Variants in NKAIN4 observed in about 807,000 individuals in gnomAD.
NKAIN4 encodes sodium/potassium transporting ATPase interacting 4.
Under a neutral mutation model 28.8 loss-of-function variants are expected in NKAIN4, and 28 were observed. The ratio of observed to expected loss-of-function variants is 0.97; its 90% CI spans 0.72 to 1.33. NKAIN4 has a LOEUF of 1.33. Among genes scored for constraint, NKAIN4 ranks in the 40% most tolerant of loss-of-function variants. The pLI, the probability that NKAIN4 is intolerant of heterozygous loss-of-function variation, is 0.00. For synonymous variants in NKAIN4, 122 were observed against 115.6 expected (o/e 1.06, Z -0.36); for missense variants, 289 against 277.2 (o/e 1.04, Z -0.30).
chr20:63,251,916 G>A (rs1312010572), intron 1 of NKAIN4, among the ~76,000 whole-genome samples: 4 of 152,182 alleles, frequency 2.6e-5, no homozygotes, highest in South Asian at 2.1e-4. Context: ...ACTAACCTAC[G>A]AGGAGGGATG....
intron 6 of NKAIN4, chr20:63,241,794 C>T (rs1289999223): frequency 1.6e-6 from 1 of 619,640 alleles, no homozygotes; most frequent in African/African-American, 1.8e-5. Context: ...GTGCCTGGGT[C>T]CCTGGCTCAG....
In NKAIN4 at chr20:63,242,546, C is replaced by A. The variant is rs769026539; in HGVS notation, c.610G>T (p.Val204Leu). The A allele has an allele frequency of 2.5e-6, 4 of 1,611,388 alleles. No individual in the cohort carries two copies. The African/African-American group carries it at 5.3e-5, about 22-fold the overall frequency. ...EKPSSLLSKQ[V>L]YLPA ...TCTGCCAGCCATACTTACAAGTACA[C>A]CTGCTTGGACAAGAGACTGGATGGC... Residue 204 changes from valine to leucine, a missense_variant, in exon 6 of 7, where the codon GTG becomes TTG. By Grantham distance (32) the Val-to-Leu change is conservative (BLOSUM62 1). Transcript: ENST00000370316.
chr20:63,254,056 C>A, intron 1 of NKAIN4: 2 of 300,966 alleles, frequency 6.6e-6, no homozygotes. Context: ...CCCGGGGCCA[C>A]ACACGCCTCC....
At chr20:63,253,402 G>A in intron 1 of NKAIN4, 1 of 985,414 alleles carries the variant, frequency 1.0e-6, no homozygotes. Context: ...GTGCCCCTAA[G>A]CCGAGCACAG....
intron 5 of NKAIN4, among the ~76,000 whole-genome samples, chr20:63,243,582 C>CG (rs1470372446): frequency 3.3e-5 from 5 of 152,194 alleles, no homozygotes; most frequent in Non-Finnish European, 2.9e-5. Context: ...GGAAAGCTGA[C>CG]GGGCTGGCGA....
rs1568701335 is a variant in NKAIN4 at position 63,242,606 on chromosome 20, A to AC, written c.549_550insG (p.Phe184ValfsTer2). On this transcript the variant is annotated frameshift_variant, in exon 6 of 7. Coordinates refer to ENST00000370316, the MANE Select transcript of NKAIN4 (RefSeq NM_152864.4). LOFTEE classifies it high-confidence loss of function. ...ACATGGTAGAGAGGAAATGGATCAA[A>AC]TCCACCAATGAAATCAACTGAAAGA... 1 of 1,612,788 alleles carries AC rather than the reference A, an allele frequency of 6.2e-7. No homozygotes were observed. Among genetic ancestry groups the AC allele is most frequent in the Non-Finnish European group, 8.5e-7 (1 of 1,178,996 alleles).
At chr20:63,246,431 C>G (rs1046840749) in intron 4 of NKAIN4, among the ~76,000 whole-genome samples, 63 of 152,302 alleles carry the variant, frequency 4.1e-4, no homozygotes, top group African/African-American at 1.5e-3. Flanking sequence ...GCGTCTGTGG[C>G]CCCTTGCTAT....
chr20:63,248,543 G>T, intron 3 of NKAIN4: 1 of 433,724 alleles, frequency 2.3e-6, no homozygotes, highest in Non-Finnish European at 4.3e-6. Flanking sequence ...GTTTGCCCCT[G>T]CTCTGAGGCC....
At chr20:63,250,830 C>T (rs1031028171) in intron 1 of NKAIN4, among the ~76,000 whole-genome samples, 2 of 152,116 alleles carry the variant, frequency 1.3e-5, no homozygotes, top group Admixed American at 6.5e-5. Flanking sequence ...TCACCAGCTC[C>T]TTCCCACGTG....
At chr20:63,251,142 C>T (rs1302485329) in intron 1 of NKAIN4, among the ~76,000 whole-genome samples, 3 of 151,096 alleles carry the variant, frequency 2.0e-5, no homozygotes, top group Non-Finnish European at 4.4e-5. Flanking sequence ...CCTTGCCTGC[C>T]TGGCAGCCGA....
chr20:63,245,624 CCTTGTCAGACGA>C lies in NKAIN4; in HGVS notation c.472-1552_472-1541del, dbSNP rs2123077080. Reference sequence around the variant, plus strand: ...CCGCACCCCAACCCCCAGAGCCTGGCCTTGTCAGACGACTCTCTTGCCACCACCATTTCCATC... The same window carrying C: ...CCGCACCCCAACCCCCAGAGCCTGGCCTCTCTTGCCACCACCATTTCCATC... On this transcript the variant is annotated intron_variant, in intron 4 of 6. Coordinates refer to ENST00000370316, the MANE Select transcript of NKAIN4 (RefSeq NM_152864.4). The surrounding 1 kb of genome is among the most constrained non-coding windows in gnomAD (Gnocchi z 4.7). Among the ~76,000 whole-genome samples the C allele has an allele frequency of 6.6e-6, 1 of 152,288 alleles. No individual in the cohort carries two copies. The highest frequency in any genetic ancestry group is 2.1e-4 in the South Asian group (1 of 4,824).
chr20:63,246,587 C>A, intron 4 of NKAIN4: 1 of 985,432 alleles, frequency 1.0e-6, no homozygotes, highest in Non-Finnish European at 1.2e-6. Context: ...CACCGCCAGC[C>A]GCCGGCCATG....
At chr20:63,243,680 A>T (rs1252555913) in intron 5 of NKAIN4, among the ~76,000 whole-genome samples, 1 of 152,084 alleles carries the variant, frequency 6.6e-6, no homozygotes, top group African/African-American at 2.4e-5. Flanking sequence ...CCCGGTTCCG[A>T]TCTGCCTGGA....
At chr20:63,244,171 C>G in intron 4 of NKAIN4, 87 bp from the exon 5 acceptor site, 2 of 1,186,196 alleles carry the variant, frequency 1.7e-6, no homozygotes, top group South Asian at 2.6e-5. Flanking sequence ...AGCACTGGAG[C>G]GCCCCTGACC....
chr20:63,254,710 C>T (rs1014591312), upstream of NKAIN4: 4 of 247,288 alleles, frequency 1.6e-5, no homozygotes, highest in Non-Finnish European at 3.1e-5. Flanking sequence ...CGCGGCCTCT[C>T]GGGTAGCGAG....
intron 4 of NKAIN4, chr20:63,247,112 C>T (rs2123091824): frequency 1.9e-6 from 2 of 1,044,446 alleles, no homozygotes; most frequent in South Asian, 3.2e-5. Context: ...GCCAGGGTTC[C>T]CGACAAGGCT....
intron 1 of NKAIN4, among the ~76,000 whole-genome samples, chr20:63,253,780 C>G (rs989811393): frequency 2.6e-5 from 4 of 152,164 alleles, no homozygotes; most frequent in Non-Finnish European, 5.9e-5. Flanking sequence ...CGCTGCGCCC[C>G]GGGCATCGGC....
intron 2 of NKAIN4, among the ~76,000 whole-genome samples, chr20:63,249,690 G>T (rs536078643): frequency 6.6e-6 from 1 of 152,124 alleles, no homozygotes; most frequent in Non-Finnish European, 1.5e-5. Context: ...TCGTGAAGGC[G>T]TTCAGTGCCT....
In NKAIN4 at chr20:63,248,883, C is replaced by G. The variant is rs2066906938; in HGVS notation, c.205G>C (p.Ala69Pro). The change falls in exon 3 of 7, where the codon GCA becomes CCA. Residue 69 changes from alanine to proline, a missense_variant. By Grantham distance (27) the Ala-to-Pro change is conservative. Transcript: ENST00000370316. ...ACGTTCCAGGTGACCCAGACGGCTG[C>G]CCACAGCGTGTACTAGGGAGAGGAG... ...LRYVMVYTLWAAVWVTWNVFI... is the reference protein window; with the variant it reads ...LRYVMVYTLWPAVWVTWNVFI... 3 of 1,612,034 alleles carry G rather than the reference C, an allele frequency of 1.9e-6. No individual in the cohort carries two copies. The highest frequency in any genetic ancestry group is 2.5e-6 in the Non-Finnish European group (3 of 1,179,376).
Sources: allele counts gnomAD v4.1 joint callset (sites outside exome capture counted in the v4.1 genomes callset), GRCh38; gene constraint gnomAD v4.1.1; non-coding constraint Gnocchi (gnomAD v3.1); transcripts MANE v1.5; gene names NCBI Gene and HGNC (gene_info 2026-07-23, HGNC 2026-07-21).